Variants in RTL4 observed in about 807,000 individuals in gnomAD.
RTL4 encodes the protein retrotransposon Gag-like protein 4.
In RTL4, 4 loss-of-function variants were observed where a neutral mutation model predicts 5.3. That is an observed-to-expected ratio of 0.75 (90% confidence interval 0.37 to 1.72). RTL4 has a LOEUF of 1.72. Among genes scored for constraint, RTL4 ranks in the 40% most tolerant of loss-of-function variants. The probability of loss-of-function intolerance (pLI) is 0.04; values close to 1 mark genes in which losing one functional copy is unlikely to be tolerated. For synonymous variants in RTL4, 98 were observed against 87.3 expected (o/e 1.12, Z -0.68); for missense variants, 260 against 227.1 (o/e 1.14, Z -0.93).
the RTL4 span, among the ~76,000 whole-genome samples, chrX:112,344,910 A>G: frequency 4.5e-5 from 5 of 111,417 alleles, no homozygotes; most frequent in African/African-American, 1.3e-4. Flanking sequence ...TACATCTTAC[A>G]TGGCGGCAGG....
the RTL4 span, among the ~76,000 whole-genome samples, chrX:112,098,059 T>C: frequency 9.0e-6 from 1 of 110,675 alleles, no homozygotes. Flanking sequence ...GCTGCACACA[T>C]TAACTCGCCA....
the RTL4 span, among the ~76,000 whole-genome samples, chrX:112,204,528 G>T: frequency 8.9e-6 from 1 of 111,804 alleles, no homozygotes; most frequent in Non-Finnish European, 1.9e-5. Flanking sequence ...AACATAGATG[G>T]AAATGGAGAT....
the RTL4 span, among the ~76,000 whole-genome samples, chrX:112,102,026 G>C: frequency 9.0e-6 from 1 of 110,795 alleles, no homozygotes; most frequent in East Asian, 2.8e-4. Context: ...AACTGTAAAA[G>C]AATATGTTTC....
chrX:112,085,854 T>C, the RTL4 span, among the ~76,000 whole-genome samples: 8 of 111,777 alleles, frequency 7.2e-5, no homozygotes, highest in African/African-American at 2.3e-4. Context: ...GGAAACGACA[T>C]AAAAAGGAAC....
At chrX:112,169,087 TC>T in the RTL4 span, among the ~76,000 whole-genome samples, 3 of 40,853 alleles carry the variant, frequency 7.3e-5, no homozygotes, top group Admixed American at 3.8e-4. Context: ...TTCTTTCTTT[TC>T]TTTCTTTCTT....
At chrX:112,273,622 A>T in the RTL4 span, among the ~76,000 whole-genome samples, 1 of 111,667 alleles carries the variant, frequency 9.0e-6, no homozygotes, top group Non-Finnish European at 1.9e-5. Context: ...TAAGCATTCA[A>T]TAAGTTCCAT....
At chrX:112,428,366 T>C in the RTL4 span, among the ~76,000 whole-genome samples, 2 of 112,251 alleles carry the variant, frequency 1.8e-5, no homozygotes, top group Admixed American at 9.4e-5. Context: ...CATTTTTATT[T>C]AGTTTAAAAT....
the RTL4 span, among the ~76,000 whole-genome samples, chrX:112,258,718 T>C: frequency 9.0e-6 from 1 of 111,726 alleles, no homozygotes; most frequent in Non-Finnish European, 1.9e-5. Flanking sequence ...CTTTTCTGTT[T>C]AAATTTATCA....
At chrX:112,167,078 A>G in the RTL4 span, among the ~76,000 whole-genome samples, 3 of 111,303 alleles carry the variant, frequency 2.7e-5, no homozygotes, top group South Asian at 7.6e-4. Flanking sequence ...GATGAGACAA[A>G]AACCTCCTTA....
chrX:112,241,676 C>T, the RTL4 span, among the ~76,000 whole-genome samples: 3 of 111,949 alleles, frequency 2.7e-5, no homozygotes, highest in Non-Finnish European at 5.6e-5. Context: ...ATCTCTTTTG[C>T]TGTGGAGAAG....
At chrX:112,181,496 G>T in the RTL4 span, among the ~76,000 whole-genome samples, 1 of 111,423 alleles carries the variant, frequency 9.0e-6, no homozygotes, top group East Asian at 2.8e-4. Context: ...TTGGTGGGGG[G>T]AAGGGGGTCT....
At chrX:112,444,542 C>T in the RTL4 span, among the ~76,000 whole-genome samples, 3 of 111,745 alleles carry the variant, frequency 2.7e-5, no homozygotes, top group Non-Finnish European at 5.7e-5. Context: ...GTAGTATGGA[C>T]ATTTGGAAGT....
chrX:112,267,144 C>G, the RTL4 span, among the ~76,000 whole-genome samples: 1 of 111,414 alleles, frequency 9.0e-6, no homozygotes, highest in South Asian at 3.8e-4. Context: ...AAATGTATGG[C>G]CTCATTTCTC....
At chrX:112,448,671 C>T in the RTL4 span, among the ~76,000 whole-genome samples, 191 of 111,434 alleles carry the variant, frequency 1.7e-3, no homozygotes, top group Non-Finnish European at 3.0e-3. Flanking sequence ...CATGGAGAGA[C>T]TCGTCCCATC....
At chrX:112,228,168 G>T in the RTL4 span, among the ~76,000 whole-genome samples, 18 of 110,654 alleles carry the variant, frequency 1.6e-4, 1 homozygote, top group East Asian at 5.1e-3. Flanking sequence ...GGAACCTGGG[G>T]AATATCACTG....
At chrX:112,230,471 G>A in the RTL4 span, among the ~76,000 whole-genome samples, 520 of 112,307 alleles carry the variant, frequency 4.6e-3, 6 homozygotes, top group African/African-American at 0.015. Flanking sequence ...GACTCTTTGC[G>A]CTTCCCGGGT....
chrX:112,457,407 G>A (rs376422072), downstream of RTL4, among the ~76,000 whole-genome samples: 3 of 111,754 alleles, frequency 2.7e-5, no homozygotes, highest in Non-Finnish European at 5.6e-5. Flanking sequence ...TACTGGGATT[G>A]TATGAGATCC....
the RTL4 span, among the ~76,000 whole-genome samples, chrX:112,440,341 G>A: frequency 9.0e-6 from 1 of 111,524 alleles, no homozygotes; most frequent in Non-Finnish European, 1.9e-5. Flanking sequence ...GCTCTGCAGG[G>A]CCTCCCTGCA....
chrX:112,431,325 G>A, the RTL4 span, among the ~76,000 whole-genome samples: 3 of 111,571 alleles, frequency 2.7e-5, no homozygotes, highest in Non-Finnish European at 5.6e-5. Flanking sequence ...ATTTTAAAAT[G>A]TTTCATATTT....
Sources: gnomAD v4.1 joint callset for allele counts (sites outside exome capture counted in the v4.1 genomes callset) on GRCh38, gnomAD v4.1.1 for gene constraint, MANE v1.5 for transcripts, NCBI Gene and HGNC (gene_info 2026-07-23, HGNC 2026-07-21) for gene names.